The following DIS3L2 variants were observed in gnomAD, a reference collection of about 807,000 sequenced individuals.
DIS3L2 encodes the protein DIS3-like exonuclease 2.
In DIS3L2, 34 loss-of-function variants were observed where a neutral mutation model predicts 97.5. The ratio of observed to expected loss-of-function variants is 0.35; its 90% CI spans 0.27 to 0.46. The LOEUF (loss-of-function observed/expected upper bound fraction) is 0.46, where lower values mean the gene tolerates loss of function less well. DIS3L2 is among the 20% of genes least tolerant of loss of function. DIS3L2 has a pLI of 1.00. For missense variants in DIS3L2, 1,038 were observed against 1,146.0 expected, an observed-to-expected ratio of 0.91 and a Z score of 1.36; for synonymous variants, 435 against 445.2, an observed-to-expected ratio of 0.98 and a Z score of 0.29.
At chr2:232,105,349 G>A (rs1418053584) in intron 6 of DIS3L2, among the ~76,000 whole-genome samples, 2 of 152,030 alleles carry the variant, frequency 1.3e-5, no homozygotes, top group Non-Finnish European at 2.9e-5. Context: ...GATTTTTGTT[G>A]GTTATTAAAT....
At chr2:232,066,883 TATTC>T (rs1695869588) in intron 5 of DIS3L2, among the ~76,000 whole-genome samples, 1 of 152,046 alleles carries the variant, frequency 6.6e-6, no homozygotes, top group African/African-American at 2.4e-5. Context: ...TTAGGGGACT[TATTC>T]ATTTCATCTA....
chr2:232,008,304 A>AG (rs1438799775), intron 1 of DIS3L2, among the ~76,000 whole-genome samples: 1 of 151,814 alleles, frequency 6.6e-6, no homozygotes, highest in African/African-American at 2.4e-5. Context: ...CTGGGATTAC[A>AG]GGTGTGAGCC....
intron 13 of DIS3L2, among the ~76,000 whole-genome samples, chr2:232,273,321 T>G (rs747769656): frequency 2.6e-5 from 4 of 152,146 alleles, no homozygotes; most frequent in Non-Finnish European, 5.9e-5. Flanking sequence ...TTGTCCACCT[T>G]TGTATCCCCA....
intron 12 of DIS3L2, among the ~76,000 whole-genome samples, chr2:232,262,779 G>T (rs1023689479): frequency 6.6e-6 from 1 of 152,006 alleles, no homozygotes; most frequent in African/African-American, 2.4e-5. Context: ...TTTGTCAGTG[G>T]CCCCACCTCC....
At position 232,293,631 on chromosome 2, in the gene DIS3L2, A is replaced by G. The variant is rs114721245; in HGVS notation, c.1660-6409A>G. 0.011 allele frequency among the ~76,000 whole-genome samples: 1,716 copies of G among 151,326 alleles called. 29 individuals carry two copies. The highest frequency in any genetic ancestry group is 0.039 in the African/African-American group (1,590 of 41,206). Reference sequence around the variant, plus strand: ...GAGTGACCCTTCCCTGTCCTGTAAGACTCCTTCTGTCTGTCCTGAGGGCCT... The same window carrying G: ...GAGTGACCCTTCCCTGTCCTGTAAGGCTCCTTCTGTCTGTCCTGAGGGCCT... On this transcript the variant is annotated intron_variant, in intron 13 of 20. Coordinates refer to ENST00000325385, the MANE Select transcript of DIS3L2 (RefSeq NM_152383.5). The surrounding 1 kb of genome is among the most constrained non-coding windows in gnomAD (Gnocchi z 4.6).
At chr2:232,020,633 G>A (rs1330722863) in intron 3 of DIS3L2, among the ~76,000 whole-genome samples, 2 of 152,176 alleles carry the variant, frequency 1.3e-5, no homozygotes, top group Non-Finnish European at 2.9e-5. Flanking sequence ...GGTGGTGACC[G>A]TGGCAAACAG....
chr2:232,266,243 A>C (rs1693855806), intron 13 of DIS3L2, among the ~76,000 whole-genome samples: 1 of 152,252 alleles, frequency 6.6e-6, no homozygotes, highest in African/African-American at 2.4e-5. Context: ...ATCTGTTGGC[A>C]TGTCTCAGAA....
chr2:232,289,812 G>A (rs904181271), intron 13 of DIS3L2, among the ~76,000 whole-genome samples: 2 of 152,260 alleles, frequency 1.3e-5, no homozygotes, highest in African/African-American at 4.8e-5. Context: ...TTTGACCAGG[G>A]CTGTGTAGCT....
chr2:232,284,191 G>A (rs970193464), intron 13 of DIS3L2, among the ~76,000 whole-genome samples: 59 of 152,152 alleles, frequency 3.9e-4, no homozygotes, highest in African/African-American at 1.4e-3. Context: ...CTAGAAGTGG[G>A]GCACAAACTA....
At chr2:231,968,286 C>A (rs145218572) in intron 1 of DIS3L2, among the ~76,000 whole-genome samples, 1 of 151,978 alleles carries the variant, frequency 6.6e-6, no homozygotes, top group East Asian at 1.9e-4. Flanking sequence ...TTAATAGAGA[C>A]GGGGTTTCAT....
chr2:232,312,740 C>G (rs1482757823), intron 14 of DIS3L2, among the ~76,000 whole-genome samples: 1 of 152,150 alleles, frequency 6.6e-6, no homozygotes, highest in Non-Finnish European at 1.5e-5. Context: ...CATGGTACCT[C>G]CCTCTATTTA....
chr2:232,271,682 C>T (rs1694011201), intron 13 of DIS3L2, among the ~76,000 whole-genome samples: 1 of 152,122 alleles, frequency 6.6e-6, no homozygotes, highest in South Asian at 2.1e-4. Flanking sequence ...AGAATGTGTG[C>T]CCTCTTAGCT....
At chr2:232,342,186 TACATATATACACATACATATATAC>T (rs1338142975), downstream of DIS3L2, among the ~76,000 whole-genome samples, 128 of 148,690 alleles carry the variant, frequency 8.6e-4, no homozygotes, top group Middle Eastern at 3.4e-3. Context: ...TATACACGTA[TACATATATACACATACATATATAC>T]ACATATATAC....
intron 15 of DIS3L2, 86 bp downstream of exon 15, chr2:232,330,082 G>A (rs1695692320): frequency 2.0e-6 from 3 of 1,472,066 alleles, no homozygotes; most frequent in Non-Finnish European, 2.7e-6. Flanking sequence ...AGCGGCCTCT[G>A]CTTCCCCCCA....
intron 6 of DIS3L2, among the ~76,000 whole-genome samples, chr2:232,117,386 T>G (rs1346319497): frequency 6.6e-6 from 1 of 152,256 alleles, no homozygotes; most frequent in Non-Finnish European, 1.5e-5. Context: ...TCTTGGTTAC[T>G]TCACAGGTTC....
intron 16 of DIS3L2, among the ~76,000 whole-genome samples, chr2:232,333,200 T>TCCGCTGTCG (rs1695811827): frequency 3.0e-5 from 2 of 66,768 alleles, no homozygotes; most frequent in African/African-American, 2.3e-4. Context: ...CTCCTCCTCC[T>TCCGCTGTCG]CCTCCTCCTC....
chr2:232,157,160 C>T (rs539436653), intron 8 of DIS3L2, among the ~76,000 whole-genome samples: 2 of 152,222 alleles, frequency 1.3e-5, no homozygotes, highest in South Asian at 4.2e-4. Context: ...TTCTTGTAGT[C>T]TCAGATTCCA....
At chr2:232,309,573 G>T (rs1410623875) in intron 14 of DIS3L2, among the ~76,000 whole-genome samples, 1 of 152,044 alleles carries the variant, frequency 6.6e-6, no homozygotes, top group Non-Finnish European at 1.5e-5. Flanking sequence ...AATCTCCTGG[G>T]CTTAGGTAGA....
intron 16 of DIS3L2, 135 bp downstream of exon 16, chr2:232,330,911 C>G: frequency 1.1e-6 from 1 of 911,104 alleles, no homozygotes; most frequent in Non-Finnish European, 1.7e-6. Context: ...GGGGCTGCTC[C>G]TCCTCTGCCA....
Sources: gnomAD v4.1 joint callset for allele counts (sites outside exome capture counted in the v4.1 genomes callset) on GRCh38, gnomAD v4.1.1 for gene constraint, Gnocchi (gnomAD v3.1) non-coding constraint, MANE v1.5 for transcripts, NCBI Gene and HGNC (gene_info 2026-07-23, HGNC 2026-07-21) for gene names.